The following AKAP11 variants were observed in gnomAD, a reference collection of about 807,000 sequenced individuals.
AKAP11 encodes A-kinase anchoring protein 11, also known as A-kinase anchor protein 11.
In AKAP11, 36 loss-of-function variants were observed where a neutral mutation model predicts 146.1. That is an observed-to-expected ratio of 0.25 (90% confidence interval 0.19 to 0.33). The LOEUF (loss-of-function observed/expected upper bound fraction) is 0.33, where lower values mean the gene tolerates loss of function less well. Among genes scored for constraint, AKAP11 ranks in the 10% least tolerant of loss-of-function variants. The pLI is 1.00. For missense variants in AKAP11, 2,201 were observed against 2,197.0 expected (o/e 1.00, Z -0.04); for synonymous variants, 780 against 786.5 (o/e 0.99, Z 0.14).
At chr13:42,306,046 G>A (rs1960237916) in intron 8 of AKAP11, among the ~76,000 whole-genome samples, 1 of 152,118 alleles carries the variant, frequency 6.6e-6, no homozygotes, top group Non-Finnish European at 1.5e-5. Context: ...CTCCCTGGGG[G>A]TTACAATTTG....
At chr13:42,273,881 A>C (rs1958846437) in intron 1 of AKAP11, among the ~76,000 whole-genome samples, 1 of 152,242 alleles carries the variant, frequency 6.6e-6, no homozygotes, top group Non-Finnish European at 1.5e-5. Flanking sequence ...GTTTTAAGAG[A>C]AAATGCCAGT....
At chr13:42,293,516 C>T (rs1959316965) in intron 4 of AKAP11, among the ~76,000 whole-genome samples, 1 of 152,162 alleles carries the variant, frequency 6.6e-6, no homozygotes, top group Admixed American at 6.5e-5. Context: ...ATTTTCTTTG[C>T]TAACCTTTTT....
intron 4 of AKAP11, among the ~76,000 whole-genome samples, chr13:42,295,032 C>T (rs1347402583): frequency 6.6e-6 from 1 of 152,056 alleles, no homozygotes; most frequent in African/African-American, 2.4e-5. Flanking sequence ...GCAGAGTAAT[C>T]TCTACATAAG....
Position 42,297,139 on chromosome 13 carries a change from A to T in AKAP11, c.308A>T (p.Asn103Ile). The T allele has an allele frequency of 1.3e-6, 2 of 1,573,016 alleles. No homozygotes were observed. Among genetic ancestry groups the T allele is most frequent in the Non-Finnish European group, 1.7e-6 (2 of 1,156,234 alleles). The stretch of plus-strand genomic sequence containing the variant: ...GAAAATGAAATTATTTGTATGAAGA[A>T]TATAAATAAACCATTAGATATAAGC... ...LNENEIICMK[N>I]INKPLDISSD... Residue 103 changes from asparagine to isoleucine, a missense_variant, in exon 6 of 13, where the codon AAT becomes ATT. Physicochemically the swap from Asn to Ile is moderately radical, Grantham distance 149. This residue lies in a region of AKAP11 where 331 missense variants were observed against 347.4 expected (regional missense o/e 0.95). Transcript: ENST00000025301.
At chr13:42,278,941 TTTC>T (rs925718381) in intron 1 of AKAP11, among the ~76,000 whole-genome samples, 1 of 152,102 alleles carries the variant, frequency 6.6e-6, no homozygotes, top group Non-Finnish European at 1.5e-5. Flanking sequence ...CTTTTTTTTT[TTTC>T]TTCTTCTTAG....
rs762639694 is a variant in AKAP11 at position 42,313,972 on chromosome 13, T to C, written c.5404+32T>C. 6.9e-5 allele frequency: 111 copies of C among 1,610,938 alleles called. 1 individual carries two copies. The South Asian group carries it at 1.2e-3, about 17-fold the overall frequency. On this transcript the variant is annotated intron_variant, in intron 11 of 12. Coordinates refer to ENST00000025301, the MANE Select transcript of AKAP11 (RefSeq NM_016248.4). ...TGATTTGTTTTTCAAAGTGTTGGCA[T>C]GTGTTTTGTATAAGGTTTCCTAGAA...
Position 42,302,112 on chromosome 13 carries a change from A to G in AKAP11, c.3366A>G (p.Lys1122=), listed in dbSNP as rs149666843. The change falls in exon 8 of 13, where the codon AAA becomes AAG. Residue 1122 remains lysine (K), a synonymous_variant. Coordinates refer to ENST00000025301, the MANE Select transcript of AKAP11 (RefSeq NM_016248.4). The part of the protein sequence containing the change: ...SSEWDIKKLT[K]KLKGELAKEF... ...AATGGGATATCAAGAAGTTAACTAA[A>G]AAGCTCAAGGGAGAATTAGCCAAAG... The G allele has an allele frequency of 1.2e-6, 2 of 1,614,062 alleles. No individual in the cohort carries two copies. The highest frequency in any genetic ancestry group is 1.7e-6 in the Non-Finnish European group (2 of 1,180,014).
chr13:42,313,811 A>G (rs1373706492), intron 10 of AKAP11, 83 bp from the exon 11 acceptor site: 3 of 1,188,978 alleles, frequency 2.5e-6, no homozygotes, highest in Admixed American at 3.7e-5. Flanking sequence ...ACATTCATTC[A>G]TTACCACATT....
intron 1 of AKAP11, among the ~76,000 whole-genome samples, chr13:42,277,531 A>G (rs1958954034): frequency 6.6e-6 from 1 of 152,238 alleles, no homozygotes; most frequent in African/African-American, 2.4e-5. Flanking sequence ...TCAATCTGGA[A>G]TGCAGTTGAA....
intron 1 of AKAP11, among the ~76,000 whole-genome samples, chr13:42,285,023 A>C (rs896987819): frequency 7.9e-5 from 12 of 152,214 alleles, no homozygotes; most frequent in Non-Finnish European, 7.3e-5. Flanking sequence ...GTGTTTGTGC[A>C]CTCACGCTAT....
chr13:42,295,208 C>T (rs1338097348), intron 4 of AKAP11, among the ~76,000 whole-genome samples: 2 of 152,096 alleles, frequency 1.3e-5, no homozygotes, highest in South Asian at 2.1e-4. Context: ...AGATTGAGGG[C>T]GCAACTGTGA....
chr13:42,273,357 ATTT>A (rs540410601), intron 1 of AKAP11, among the ~76,000 whole-genome samples: 9 of 143,814 alleles, frequency 6.3e-5, no homozygotes, highest in African/African-American at 2.3e-4. Flanking sequence ...CAATTGAATG[ATTT>A]TTTTTTTTTT....
In AKAP11 at chr13:42,319,906, G is replaced by GGTGTGTGTTT. The variant is rs1961006978; in HGVS notation, c.*686_*687insTTGTGTGTGT. The GGTGTGTGTTT allele has an allele frequency of 7.5e-6, 1 of 132,662 alleles. No homozygotes were observed. Among genetic ancestry groups the GGTGTGTGTTT allele is most frequent in the Admixed American group, 8.0e-5 (1 of 12,514 alleles). 8.2% of individuals were successfully genotyped at this position (132,662 alleles called of 1,614,324 possible). ...TGCTGCCAGTCATTCTGGCATGAAAGGTGTGTGTGTGTGTGTGTGTGTGTG... is the reference window on the plus strand; with the variant it reads ...TGCTGCCAGTCATTCTGGCATGAAAGGTGTGTGTTTGTGTGTGTGTGTGTGTGTGTGTGTG... On this transcript the variant is annotated 3_prime_UTR_variant, in exon 13 of 13. Transcript: ENST00000025301.
At chr13:42,279,477 C>A (rs1959010621) in intron 1 of AKAP11, among the ~76,000 whole-genome samples, 1 of 152,156 alleles carries the variant, frequency 6.6e-6, no homozygotes, top group African/African-American at 2.4e-5. Context: ...CTAGTTTAAT[C>A]TGTTAATTGT....
chr13:42,300,871 G>T lies in AKAP11; in HGVS notation c.2125G>T (p.Asp709Tyr), dbSNP rs752484733. ...AGCATTCATTGAGCTATCACAAGTT[G>T]ATGTGACCTTTACAACAAAGGCAGC... is the stretch of plus-strand genomic sequence containing the variant. ...QEAFIELSQV[D>Y]VTFTTKAAVS... Residue 709 changes from aspartate to tyrosine, a missense_variant, in exon 8 of 13, where the codon GAT becomes TAT. Transcript: ENST00000025301. 3.1e-6 allele frequency: 5 copies of T among 1,614,088 alleles called. No individual in the cohort carries two copies. The South Asian group carries it at 3.3e-5, about 11-fold the overall frequency.
chr13:42,317,864 C>G (rs1960896602), intron 12 of AKAP11, among the ~76,000 whole-genome samples, 176 bp downstream of exon 12: 1 of 152,104 alleles, frequency 6.6e-6, no homozygotes, highest in Non-Finnish European at 1.5e-5. Context: ...GAGGCAGGTT[C>G]ACCAGTCTGT....
At chr13:42,288,240 G>A (rs1325033241) in intron 3 of AKAP11, among the ~76,000 whole-genome samples, 2 of 152,058 alleles carry the variant, frequency 1.3e-5, no homozygotes, top group African/African-American at 4.8e-5. Flanking sequence ...AATTAATGTT[G>A]CAAAATTAAA....
At chr13:42,286,888 A>AT (rs1959171038) in intron 3 of AKAP11, among the ~76,000 whole-genome samples, 1 of 152,084 alleles carries the variant, frequency 6.6e-6, no homozygotes, top group African/African-American at 2.4e-5. Context: ...ATTTCTTGAC[A>AT]TTTTTGTCTT....
In AKAP11 at chr13:42,300,137, C is replaced by G; in HGVS notation, c.1391C>G (p.Ala464Gly). The change falls in exon 8 of 13, where the codon GCT (alanine) becomes GGT (glycine). Residue 464 changes from alanine to glycine, a missense_variant. Transcript: ENST00000025301. ...AGTCCTCTTGGAGGCTGTACTCCAG[C>G]TGAATGTTTTTGCCAAACAGATATT... ...AFSPLGGCTP[A>G]ECFCQTDIGG... 1 of 1,613,918 alleles carries G rather than the reference C, an allele frequency of 6.2e-7. No homozygotes were observed. The highest frequency in any genetic ancestry group is 8.5e-7 in the Non-Finnish European group (1 of 1,179,846).
Sources: gnomAD v4.1 joint callset for allele counts (sites outside exome capture counted in the v4.1 genomes callset) on GRCh38, gnomAD v4.1.1 for gene constraint, gnomAD v4.1.1 regional missense constraint, MANE v1.5 for transcripts, NCBI Gene and HGNC (gene_info 2026-07-23, HGNC 2026-07-21) for gene names.